IL12RB2: variants seen among roughly 807,000 people sequenced by gnomAD.
The protein encoded by IL12RB2 is interleukin 12 receptor subunit beta 2.
IL12RB2 carries 82 observed loss-of-function variants against 89.4 expected under a neutral mutation model. The observed-to-expected ratio is 0.92, with a 90% CI of 0.77 to 1.10. IL12RB2 has a LOEUF of 1.10. Ranked by LOEUF, IL12RB2 falls within the 50% of genes least tolerant of loss-of-function variation. The pLI, the probability that IL12RB2 is intolerant of heterozygous loss-of-function variation, is 0.00. For synonymous variants in IL12RB2, 368 were observed against 370.1 expected (o/e 0.99, Z 0.07); for missense variants, 963 against 1,031.9 (o/e 0.93, Z 0.92).
chr1:67,365,109 A>G (rs1283753340), intron 10 of IL12RB2, among the ~76,000 whole-genome samples: 1 of 152,246 alleles, frequency 6.6e-6, no homozygotes, highest in Admixed American at 6.5e-5. Flanking sequence ...AATTGAAAAT[A>G]AAAATAAAAC....
rs368134265 is a variant in IL12RB2, at chr1:67,329,632, C to T, written c.710C>T (p.Ala237Val). Residue 237 changes from alanine to valine, a missense_variant, in exon 7 of 17, where the codon GCT becomes GTT. Transcript: ENST00000674203. ...GACATTAGAATCAAATTTCAAAAGG[C>T]TTCTGTGAGCAGATGTACCCTTTAT... ...PWDIRIKFQK[A>V]SVSRCTLYWR... The T allele has an allele frequency of 6.3e-7, 1 of 1,576,528 alleles. No homozygotes were observed. Among genetic ancestry groups the T allele is most frequent in the African/African-American group, 1.3e-5 (1 of 74,212 alleles).
intron 14 of IL12RB2, among the ~76,000 whole-genome samples, chr1:67,386,208 CAAAAA>C (rs755471388): frequency 1.8e-5 from 1 of 54,550 alleles, no homozygotes; most frequent in African/African-American, 7.8e-5. Context: ...GACTCCATCT[CAAAAA>C]AAAAAAAAAA....
chr1:67,382,377 T>C (rs1398811125), intron 14 of IL12RB2, among the ~76,000 whole-genome samples: 1 of 152,216 alleles, frequency 6.6e-6, no homozygotes, highest in East Asian at 1.9e-4. Context: ...AGCCTGTTTT[T>C]CATTCAATCA....
At chr1:67,321,124 A>C (rs1322485131) in intron 3 of IL12RB2, among the ~76,000 whole-genome samples, 4 of 151,816 alleles carry the variant, frequency 2.6e-5, no homozygotes, top group Admixed American at 2.6e-4. Context: ...GTGTAGTAGC[A>C]CAATGTTTGC....
chr1:67,318,219 G>A (rs957079665), intron 2 of IL12RB2, among the ~76,000 whole-genome samples: 4 of 152,242 alleles, frequency 2.6e-5, no homozygotes, highest in African/African-American at 9.6e-5. Flanking sequence ...AAAAATGTAA[G>A]CGATGATGGC....
intron 16 of IL12RB2, 72 bp from the exon 17 acceptor site, chr1:67,395,475 G>A: frequency 6.2e-7 from 1 of 1,612,934 alleles, no homozygotes; most frequent in Admixed American, 1.7e-5. Flanking sequence ...AGGCCTTTGG[G>A]AACCCTGGAG....
In IL12RB2 at chr1:67,312,882, G is replaced by T. The variant is rs543055464; in HGVS notation, c.-124-1031G>T. On this transcript the variant is annotated intron_variant, in intron 1 of 16. Coordinates refer to ENST00000674203, the MANE Select transcript of IL12RB2 (RefSeq NM_001374259.2). ...GCAGCCTCGTCAGCTGCACAAAAAG[G>T]AAAACAAGTGTGTGTGTTAAATTTG... 8.7e-4 allele frequency among the ~76,000 whole-genome samples: 132 copies of T among 152,212 alleles called. 1 individual carries two copies. The highest frequency in any genetic ancestry group is 1.0e-3 in the Non-Finnish European group (70 of 68,040).
Position 67,307,958 on chromosome 1 carries a change from G to A in IL12RB2, c.-134G>A, listed in dbSNP as rs1237211979. ...GGCCCGGGACCGCGCCCGCTGGCAG[G>A]CGACACGTGGTGAGTGACCAGTGAC... On this transcript the variant is annotated 5_prime_UTR_variant, in exon 1 of 17. Transcript: ENST00000674203. 6.6e-6 allele frequency: 1 copy of A among 152,054 alleles called. No homozygotes were observed. The highest frequency in any genetic ancestry group is 1.9e-4 in the East Asian group (1 of 5,164). 9.4% of individuals were successfully genotyped at this position (152,054 alleles called of 1,614,324 possible).
chr1:67,359,921 G>C (rs1661813028), intron 10 of IL12RB2, among the ~76,000 whole-genome samples: 1 of 151,988 alleles, frequency 6.6e-6, no homozygotes, highest in South Asian at 2.1e-4. Context: ...TAAATACAGA[G>C]AATCACAAAT....
chr1:67,326,326 G>A (rs942492470), intron 4 of IL12RB2, among the ~76,000 whole-genome samples: 3 of 152,202 alleles, frequency 2.0e-5, no homozygotes, highest in African/African-American at 4.8e-5. Flanking sequence ...AGAATATGGA[G>A]TAAAAGGCTT....
chr1:67,365,789 A>C (rs995698425), intron 10 of IL12RB2, among the ~76,000 whole-genome samples: 4 of 152,228 alleles, frequency 2.6e-5, no homozygotes, highest in African/African-American at 9.6e-5. Context: ...GTGAAAGGTA[A>C]AACTAAAAAC....
At chr1:67,341,521 A>AGT (rs60224360) in intron 9 of IL12RB2, among the ~76,000 whole-genome samples, 54,114 of 108,578 alleles carry the variant, frequency 0.5, 15,904 homozygotes, top group Non-Finnish European at 0.65. Context: ...AAGGAAAGAA[A>AGT]AAAGAAAGAG....
At chr1:67,351,121 T>C in intron 10 of IL12RB2, 32 bp downstream of exon 10, 1 of 1,608,490 alleles carries the variant, frequency 6.2e-7, no homozygotes, top group East Asian at 2.2e-5. Context: ...ACATTGCCTG[T>C]GGAAAACTGT....
chr1:67,391,735 C>T (rs185351240), intron 16 of IL12RB2, among the ~76,000 whole-genome samples: 4 of 151,774 alleles, frequency 2.6e-5, no homozygotes, highest in African/African-American at 4.8e-5. Flanking sequence ...CTTCCAGGTT[C>T]ACGCCGTTCT....
chr1:67,394,425 A>G (rs990175756), intron 16 of IL12RB2, among the ~76,000 whole-genome samples: 1 of 152,186 alleles, frequency 6.6e-6, no homozygotes, highest in Non-Finnish European at 1.5e-5. Flanking sequence ...GAAAGGAAAG[A>G]GATAGGACAT....
At chr1:67,320,267 G>A (rs1226816435) in intron 2 of IL12RB2, 66 bp from the exon 3 acceptor site, 3 of 1,604,914 alleles carry the variant, frequency 1.9e-6, no homozygotes, top group East Asian at 4.5e-5. Flanking sequence ...AAGCTCTTCT[G>A]AGCTATTTTG....
At chr1:67,375,067 A>C (rs754918907) in intron 13 of IL12RB2, among the ~76,000 whole-genome samples, 5 of 152,088 alleles carry the variant, frequency 3.3e-5, no homozygotes, top group African/African-American at 4.8e-5. Flanking sequence ...CCCTATCTTC[A>C]ACAAGCTCAC....
At chr1:67,332,806 C>T (rs901225504) in intron 8 of IL12RB2, among the ~76,000 whole-genome samples, 5 of 152,120 alleles carry the variant, frequency 3.3e-5, no homozygotes, top group Non-Finnish European at 5.9e-5. Context: ...TTAAGCTAAA[C>T]TATAAACTAG....
Position 67,397,791 on chromosome 1 carries a change from G to A in IL12RB2, c.*1702G>A, listed in dbSNP as rs1198240779. ...ACCCCGTACCCCTTCCCACATGAAC[G>A]CTGGAACTGAGATGGCTTCCCCATC... On this transcript the variant is annotated 3_prime_UTR_variant, in exon 17 of 17. Coordinates refer to ENST00000674203, the MANE Select transcript of IL12RB2 (RefSeq NM_001374259.2). Among the ~76,000 whole-genome samples, 2 of 152,184 alleles carry A rather than the reference G, an allele frequency of 1.3e-5. No individual in the cohort carries two copies. The highest frequency in any genetic ancestry group is 2.9e-5 in the Non-Finnish European group (2 of 68,044).
Sources: gnomAD v4.1 joint callset for allele counts (sites outside exome capture counted in the v4.1 genomes callset) on GRCh38, gnomAD v4.1.1 for gene constraint, MANE v1.5 for transcripts, NCBI Gene and HGNC (gene_info 2026-07-23, HGNC 2026-07-21) for gene names.